Variants in JAK2 observed in about 807,000 individuals in gnomAD.
JAK2 encodes the protein Janus kinase 2.
A neutral mutation model predicts 139.3 loss-of-function variants in JAK2; 86 were observed. The observed-to-expected ratio is 0.62, with a 90% CI of 0.52 to 0.74. The LOEUF is 0.74. Ranked by LOEUF, JAK2 falls within the 30% of genes least tolerant of loss-of-function variation. The pLI is 0.00. For missense variants in JAK2, 1,421 were observed against 1,360.3 expected (o/e 1.04, Z -0.70); for synonymous variants, 490 against 437.7 (o/e 1.12, Z -1.49).
rs747969920 is a variant in JAK2, at chr9:5,070,003, A to C, written c.1592A>C (p.His531Pro). Residue 531 changes from histidine (H) to proline (P), a missense_variant, in exon 12 of 25, where the codon CAT (histidine) becomes CCT (proline). Transcript: ENST00000381652. The part of the protein sequence containing the change: ...PTSPTLQRPT[H>P]MNQMVFHKIR... The stretch of plus-strand genomic sequence containing the variant: ...TCACCAACATTACAGAGGCCTACTC[A>C]TATGAACCAAATGGTGTTTCACAAA... 6.2e-7 allele frequency: 1 copy of C among 1,608,286 alleles called. No homozygotes were observed. Among genetic ancestry groups the C allele is most frequent in the Non-Finnish European group, 8.5e-7 (1 of 1,176,282 alleles).
At chr9:5,083,553 G>A (rs1449028999) in intron 19 of JAK2, among the ~76,000 whole-genome samples, 1 of 151,996 alleles carries the variant, frequency 6.6e-6, no homozygotes, top group Non-Finnish European at 1.5e-5. Flanking sequence ...GTCTTCTGTT[G>A]TTTATTAGAT....
At chr9:4,985,770 C>T (rs1481959800) in intron 1 of JAK2, 140 bp downstream of exon 1, 1 of 152,472 alleles carries the variant, frequency 6.6e-6, no homozygotes, top group African/African-American at 2.4e-5. Context: ...TAAGACGACA[C>T]CTAGAACGAG....
In JAK2 at chr9:5,119,452, T is replaced by C. The variant is rs1327656353; in HGVS notation, c.3060-3552T>C. ...CCTAAAAAAAAAAGGCTTCAAATTA[T>C]ATAAGCTTTGGGACCTGTATCTCTG... On this transcript the variant is annotated intron_variant, in intron 22 of 24. Coordinates refer to ENST00000381652, the MANE Select transcript of JAK2 (RefSeq NM_004972.4). Among the ~76,000 whole-genome samples, 4 of 152,246 alleles carry C rather than the reference T, an allele frequency of 2.6e-5. No homozygotes were observed. The East Asian group carries it at 7.7e-4, about 29-fold the overall frequency.
intron 22 of JAK2, among the ~76,000 whole-genome samples, chr9:5,116,726 G>A (rs549512614): frequency 1.3e-5 from 2 of 152,328 alleles, no homozygotes; most frequent in South Asian, 2.1e-4. Context: ...GAAAAGGACT[G>A]TCCCTTAGTA....
At chr9:5,089,586 T>TACTAGAATTTTCTATATAA (rs1440852253) in intron 19 of JAK2, 88 bp from the exon 20 acceptor site, 2 of 260,816 alleles carry the variant, frequency 7.7e-6, no homozygotes, top group Non-Finnish European at 1.5e-5. Context: ...TAATTCCAGC[T>TACTAGAATTTTCTATATAA]ACTAGAATTT....
chr9:5,034,521 A>G (rs1823425393), intron 4 of JAK2, among the ~76,000 whole-genome samples: 1 of 152,072 alleles, frequency 6.6e-6, no homozygotes, highest in Admixed American at 6.5e-5. Context: ...AAAAGAACAG[A>G]AATTATAACA....
chr9:5,020,484 G>C (rs1194495008), intron 2 of JAK2, among the ~76,000 whole-genome samples: 1 of 152,170 alleles, frequency 6.6e-6, no homozygotes, highest in Non-Finnish European at 1.5e-5. Flanking sequence ...ATGTTCAGGT[G>C]GGGGCAGCAG....
chr9:5,086,108 G>C lies in JAK2; in HGVS notation c.2572-3566G>C. ...GTCCCTTCTGCCTATGAGCCTGCGCGGGCATCGGCAGCGGCGCGCGGCCCC... is the reference window on the plus strand; with the variant it reads ...GTCCCTTCTGCCTATGAGCCTGCGCCGGCATCGGCAGCGGCGCGCGGCCCC... On this transcript the variant is annotated intron_variant, in intron 19 of 24. Coordinates refer to ENST00000381652, the MANE Select transcript of JAK2 (RefSeq NM_004972.4). The C allele has an allele frequency of 6.1e-6, 3 of 488,938 alleles. No individual in the cohort carries two copies. The South Asian group carries it at 6.9e-5, about 11-fold the overall frequency. 30.3% of individuals were successfully genotyped at this position (488,938 alleles called of 1,614,324 possible).
chr9:5,091,074 TTA>T, intron 22 of JAK2, 163 bp downstream of exon 22: 1 of 531,452 alleles, frequency 1.9e-6, no homozygotes, highest in South Asian at 3.0e-5. Context: ...ATAGTCATGG[TTA>T]TAGTCCACGT....
chr9:5,064,110 C>G (rs1029147555), intron 8 of JAK2, among the ~76,000 whole-genome samples: 1 of 151,986 alleles, frequency 6.6e-6, no homozygotes, highest in Non-Finnish European at 1.5e-5. Context: ...GAGCCAAGAT[C>G]GCGCCATTGC....
intron 22 of JAK2, among the ~76,000 whole-genome samples, chr9:5,103,299 C>T (rs1821676252): frequency 8.4e-6 from 1 of 119,752 alleles, no homozygotes; most frequent in Non-Finnish European, 1.7e-5. Context: ...GACTTTAAGC[C>T]AACAAAGATC....
In JAK2 at chr9:5,081,467, A is replaced by G. The variant is rs373199895; in HGVS notation, c.2435-258A>G. Among the ~76,000 whole-genome samples, 3 of 152,268 alleles carry G rather than the reference A, an allele frequency of 2.0e-5. No homozygotes were observed. The East Asian group carries it at 5.8e-4, about 29-fold the overall frequency. On this transcript the variant is annotated intron_variant, in intron 18 of 24. Coordinates refer to ENST00000381652, the MANE Select transcript of JAK2 (RefSeq NM_004972.4). ...CCTTTCTCACAATAAGTATCAGTAT[A>G]TTACCTTACTTTATGAATACTAAAA...
At chr9:5,004,420 TATA>T (rs1821136917) in intron 2 of JAK2, among the ~76,000 whole-genome samples, 2 of 152,184 alleles carry the variant, frequency 1.3e-5, no homozygotes, top group African/African-American at 4.8e-5. Flanking sequence ...TTTCACTTAA[TATA>T]ATGTCTTCCA....
chr9:5,091,102 G>A (rs1820539249), intron 22 of JAK2, 191 bp downstream of exon 22: 1 of 458,650 alleles, frequency 2.2e-6, no homozygotes, highest in South Asian at 3.9e-5. Context: ...AATGGCATAT[G>A]CTTTATTTCT....
rs762757647 is a variant in JAK2, at chr9:5,081,875, A to G, written c.2571+14A>G. On this transcript the variant is annotated intron_variant, in intron 19 of 24. Transcript: ENST00000381652. ...CAACTTGGCAAGGTAAATTGTCAGAATTTTTTCAAATAGAGTATAATCATT... is the reference window on the plus strand; with the variant it reads ...CAACTTGGCAAGGTAAATTGTCAGAGTTTTTTCAAATAGAGTATAATCATT... 6.2e-7 allele frequency: 1 copy of G among 1,601,158 alleles called. No homozygotes were observed. Among genetic ancestry groups the G allele is most frequent in the Non-Finnish European group, 8.5e-7 (1 of 1,169,764 alleles).
chr9:5,064,340 G>A (rs967490267), intron 8 of JAK2, among the ~76,000 whole-genome samples: 1 of 152,078 alleles, frequency 6.6e-6, no homozygotes, highest in Non-Finnish European at 1.5e-5. Context: ...GACCAGCCTG[G>A]CCAACATGGC....
intron 19 of JAK2, among the ~76,000 whole-genome samples, chr9:5,088,485 A>G (rs891520658): frequency 6.6e-6 from 1 of 152,200 alleles, no homozygotes; most frequent in Non-Finnish European, 1.5e-5. Flanking sequence ...CAACTTACCA[A>G]TTCTATGTAC....
At chr9:5,010,985 G>A (rs1040900748) in intron 2 of JAK2, among the ~76,000 whole-genome samples, 9 of 152,108 alleles carry the variant, frequency 5.9e-5, no homozygotes, top group Non-Finnish European at 8.8e-5. Flanking sequence ...CTTCTGAAGC[G>A]ATGTCAGTTC....
chr9:5,116,502 A>G (rs1384393962), intron 22 of JAK2, among the ~76,000 whole-genome samples: 1 of 152,220 alleles, frequency 6.6e-6, no homozygotes, highest in Non-Finnish European at 1.5e-5. Context: ...CCATATCCCC[A>G]GTGATACATG....
Sources: gnomAD v4.1 joint callset for allele counts (sites outside exome capture counted in the v4.1 genomes callset) on GRCh38, gnomAD v4.1.1 for gene constraint, MANE v1.5 for transcripts, NCBI Gene and HGNC (gene_info 2026-07-23, HGNC 2026-07-21) for gene names.